Variants in SNX32 observed in about 807,000 individuals in gnomAD.
SNX32 encodes sorting nexin-32.
Under a neutral mutation model 57.0 loss-of-function variants are expected in SNX32, and 58 were observed. The ratio of observed to expected loss-of-function variants is 1.02; its 90% CI spans 0.82 to 1.27. The LOEUF is 1.27. Among genes scored for constraint, SNX32 ranks in the 50% most tolerant of loss-of-function variants. SNX32 has a pLI of 0.00. For synonymous variants in SNX32, 262 were observed against 220.4 expected (o/e 1.19, Z -1.67); for missense variants, 589 against 541.2 (o/e 1.09, Z -0.88).
At position 65,853,688 on chromosome 11, in the gene SNX32, T is replaced by C. The variant is rs1029931065; in HGVS notation, c.*353T>C. 3.7e-5 allele frequency: 12 copies of C among 320,494 alleles called. No homozygotes were observed. Among genetic ancestry groups the C allele is most frequent in the African/African-American group, 2.5e-4 (12 of 47,448 alleles). 19.9% of individuals were successfully genotyped at this position (320,494 alleles called of 1,614,324 possible). On this transcript the variant is annotated 3_prime_UTR_variant, in exon 13 of 13. Transcript: ENST00000308342. ...TGTTCTCCTTCGCAAATAAAAACCC[T>C]GGTTTTGTAGCAAGGAGGCCTGTTG...
chr11:65,848,882 C>T (rs945256127), intron 1 of SNX32, among the ~76,000 whole-genome samples: 1 of 152,084 alleles, frequency 6.6e-6, no homozygotes, highest in Non-Finnish European at 1.5e-5. Context: ...GTGGCTCATG[C>T]CTGTAATCTC....
chr11:65,842,767 T>G (rs552753226), intron 1 of SNX32, among the ~76,000 whole-genome samples: 1 of 150,322 alleles, frequency 6.7e-6, no homozygotes, highest in African/African-American at 2.5e-5. Context: ...CTGGCCAACA[T>G]AGTGAAACCC....
chr11:65,844,922 C>T (rs60576917), intron 1 of SNX32, among the ~76,000 whole-genome samples: 17,842 of 147,790 alleles, frequency 0.12, 1,581 homozygotes, highest in Admixed American at 0.28. Context: ...GCTAAGATCA[C>T]GTCACTGCAC....
chr11:65,852,986 T>C lies in SNX32; in HGVS notation c.1158+28T>C, dbSNP rs1859265708. ...GAGCCCTCCCACCTCACTGGGCCCT[T>C]GTGAAGCCTCCCACCTCCCACCTCC... On this transcript the variant is annotated intron_variant, in intron 12 of 12. Transcript: ENST00000308342. 2.5e-6 allele frequency: 4 copies of C among 1,610,974 alleles called. No individual in the cohort carries two copies. The East Asian group carries it at 6.7e-5, about 27-fold the overall frequency.
chr11:65,853,339 A>G lies in SNX32; in HGVS notation c.*4A>G. Reference sequence around the variant, plus strand: ...TGCCCTAAAGGGGGAGCCTTAGAGTAGCCAGAGCTCAGCCAGACCCTAATC... The same window carrying G: ...TGCCCTAAAGGGGGAGCCTTAGAGTGGCCAGAGCTCAGCCAGACCCTAATC... On this transcript the variant is annotated 3_prime_UTR_variant, in exon 13 of 13. Coordinates refer to ENST00000308342, the MANE Select transcript of SNX32 (RefSeq NM_152760.3). 6.2e-7 allele frequency: 1 copy of G among 1,614,022 alleles called. No homozygotes were observed. Among genetic ancestry groups the G allele is most frequent in the Non-Finnish European group, 8.5e-7 (1 of 1,179,972 alleles).
rs578235979 is a variant in SNX32 at position 65,852,780 on chromosome 11, G to T, written c.1063G>T (p.Ala355Ser). The change falls in exon 11 of 13, where the codon GCC becomes TCC. Residue 355 changes from alanine (A) to serine (S), a missense_variant. By Grantham distance (99) the Ala-to-Ser change is moderately conservative. Transcript: ENST00000308342. ...CQRFERLSDS[A>S]KQELMDFKSR... is the part of the protein sequence containing the mutation. ...ACGCTTCGAGCGCCTCTCCGACTCC[G>T]CCAAGCAAGGTGAGCCCGCAGCCCC... The T allele has an allele frequency of 1.9e-5, 31 of 1,609,444 alleles. No individual in the cohort carries two copies. The highest frequency in any genetic ancestry group is 2.3e-5 in the Non-Finnish European group (27 of 1,177,844).
In SNX32 at chr11:65,852,510, G is replaced by A. The variant is rs745350994; in HGVS notation, c.871G>A (p.Asp291Asn). 2.5e-5 allele frequency: 41 copies of A among 1,614,230 alleles called. No homozygotes were observed. In the South Asian group the frequency reaches 3.7e-4, roughly 15 times the overall value. The change falls in exon 10 of 13, where the codon GAC (aspartate) becomes AAC (asparagine). Residue 291 changes from aspartate (D) to asparagine (N), a missense_variant. By Grantham distance (23) the Asp-to-Asn change is conservative. Coordinates refer to ENST00000308342, the MANE Select transcript of SNX32 (RefSeq NM_152760.3). ...VASDEDLKLSDMLRYYMRDSQ... is the reference protein window; with the variant it reads ...VASDEDLKLSNMLRYYMRDSQ... ...TTCCGATGAGGACCTGAAGCTGTCA[G>A]ACATGCTGAGGTACTACATGCGTGA...
At chr11:65,838,553 C>T (rs1022822493) in intron 1 of SNX32, among the ~76,000 whole-genome samples, 1 of 152,124 alleles carries the variant, frequency 6.6e-6, no homozygotes, top group Admixed American at 6.5e-5. Flanking sequence ...CAATTCTCAA[C>T]AACTGTTAGA....
At chr11:65,834,253 G>T (rs981097856) in intron 1 of SNX32, 152 bp downstream of exon 1, 2 of 881,004 alleles carry the variant, frequency 2.3e-6, no homozygotes, top group Non-Finnish European at 3.5e-6. Flanking sequence ...GTCTGCATGT[G>T]TCTGTTTCTC....
Position 65,834,153 on chromosome 11 carries a change from C to T in SNX32, c.36+52C>T, listed in dbSNP as rs1259165119. ...CCAGCCTCCCCTCACTCCATGAAAG[C>T]CCGTGATGCCCAATCATGCGGTGGT... On this transcript the variant is annotated intron_variant, in intron 1 of 12. Transcript: ENST00000308342. The T allele has an allele frequency of 2.0e-6, 3 of 1,523,134 alleles. No individual in the cohort carries two copies. In the South Asian group the frequency reaches 3.6e-5, roughly 18 times the overall value. 94.4% of individuals were successfully genotyped at this position (1,523,134 alleles called of 1,614,324 possible). A position where few individuals can be genotyped will look rare whatever the true frequency, so the allele number is the denominator to read the frequency against.
chr11:65,849,821 TG>T, intron 2 of SNX32, 98 bp from the exon 3 acceptor site: 1 of 957,164 alleles, frequency 1.0e-6, no homozygotes, highest in Non-Finnish European at 1.6e-6. Flanking sequence ...TTGTCCTCCC[TG>T]GGATGTGGGA....
At position 65,851,036 on chromosome 11, in the gene SNX32, T is replaced by A; in HGVS notation, c.604-19T>A. ...CCGTGGTGACCCAGTGTAAATGGGG[T>A]CCTGCCTGGCTCCCTTAGGAGGTGG... On this transcript the variant is annotated intron_variant, in intron 6 of 12. Coordinates refer to ENST00000308342, the MANE Select transcript of SNX32 (RefSeq NM_152760.3). 6.2e-7 allele frequency: 1 copy of A among 1,605,074 alleles called. No homozygotes were observed. The highest frequency in any genetic ancestry group is 8.5e-7 in the Non-Finnish European group (1 of 1,171,872).
chr11:65,837,694 T>G (rs1370182504), intron 1 of SNX32, among the ~76,000 whole-genome samples: 13 of 149,466 alleles, frequency 8.7e-5, no homozygotes, highest in Non-Finnish European at 5.9e-5. Flanking sequence ...GTGCCACACA[T>G]CTGTAATCCC....
At chr11:65,834,820 CTGTG>C (rs760499560) in intron 1 of SNX32, among the ~76,000 whole-genome samples, 13 of 144,348 alleles carry the variant, frequency 9.0e-5, no homozygotes, top group East Asian at 2.1e-4. Flanking sequence ...CTGCGTGTGT[CTGTG>C]TGTGTGTGTC....
chr11:65,839,379 G>A (rs1427547449), intron 1 of SNX32, among the ~76,000 whole-genome samples: 4 of 146,444 alleles, frequency 2.7e-5, no homozygotes, highest in Non-Finnish European at 3.0e-5. Context: ...ACAGGCGCCC[G>A]CCACTACGCC....
chr11:65,850,514 G>A lies in SNX32; in HGVS notation c.458G>A (p.Arg153Gln), dbSNP rs530568899. The change falls in exon 5 of 13, where the codon CGA becomes CAA. Residue 153 changes from arginine (R) to glutamine (Q), a missense_variant. Physicochemically the swap from Arg to Gln is conservative, Grantham distance 43. Transcript: ENST00000308342. ...CTGGCGGCCCACCCCACCCTGCGTC[G>A]AGACCACAACTTCTTTGTGTTTTTG... Reference protein sequence around the residue: ...QRLAAHPTLRRDHNFFVFLEY... With the variant: ...QRLAAHPTLRQDHNFFVFLEY... 1.7e-5 allele frequency: 28 copies of A among 1,613,478 alleles called. No individual in the cohort carries two copies. The highest frequency in any genetic ancestry group is 1.7e-4 in the Middle Eastern group (1 of 6,058).
In SNX32 at chr11:65,851,053, AG is replaced by A; in HGVS notation, c.604del. The A allele has an allele frequency of 6.2e-7, 1 of 1,612,986 alleles. No individual in the cohort carries two copies. The highest frequency in any genetic ancestry group is 1.7e-4 in the Middle Eastern group (1 of 6,060). On this transcript the variant is annotated splice_acceptor_variant, in intron 6 of 12. Coordinates refer to ENST00000308342, the MANE Select transcript of SNX32 (RefSeq NM_152760.3). LOFTEE classifies it high-confidence loss of function. ...AAATGGGGTCCTGCCTGGCTCCCTTAGGAGGTGGATGACTTCTTTGAGCATG... is the reference window on the plus strand; with the variant it reads ...AAATGGGGTCCTGCCTGGCTCCCTTAGAGGTGGATGACTTCTTTGAGCATG...
intron 6 of SNX32, 58 bp downstream of exon 6, chr11:65,850,913 T>C (rs1412033057): frequency 3.8e-5 from 59 of 1,556,970 alleles, no homozygotes; most frequent in Non-Finnish European, 4.6e-5. Context: ...ACAGCACAGA[T>C]TGAGGCCCAG....
chr11:65,852,988 T>A, intron 12 of SNX32, 30 bp downstream of exon 12: 1 of 1,611,356 alleles, frequency 6.2e-7, no homozygotes, highest in Non-Finnish European at 8.5e-7. Context: ...TGGGCCCTTG[T>A]GAAGCCTCCC....
Sources: allele counts gnomAD v4.1 joint callset (sites outside exome capture counted in the v4.1 genomes callset), GRCh38; gene constraint gnomAD v4.1.1; transcripts MANE v1.5; gene names NCBI Gene and HGNC (gene_info 2026-07-23, HGNC 2026-07-21).